The following NOL12 variants were observed in gnomAD, a reference collection of about 807,000 sequenced individuals.
NOL12 encodes nucleolar protein 12.
In NOL12, 21 loss-of-function variants were observed where a neutral mutation model predicts 25.2. That is an observed-to-expected ratio of 0.83 (90% CI 0.59 to 1.20). The LOEUF (loss-of-function observed/expected upper bound fraction) is 1.20, where lower values mean the gene tolerates loss of function less well. Ranked by LOEUF, NOL12 falls within the 50% of genes most tolerant of loss-of-function variation. NOL12 has a pLI of 0.00. For synonymous variants in NOL12, 133 were observed against 113.8 expected (o/e 1.17, Z -1.08); for missense variants, 286 against 287.6 (o/e 0.99, Z 0.04).
intron 3 of NOL12, among the ~76,000 whole-genome samples, 155 bp from the exon 4 acceptor site, chr22:37,688,695 C>T (rs770487300): frequency 6.6e-6 from 1 of 152,178 alleles, no homozygotes; most frequent in Non-Finnish European, 1.5e-5. Flanking sequence ...TCATTCACAA[C>T]ATTCATCCAC....
At chr22:37,689,084 C>A in intron 4 of NOL12, 92 bp downstream of exon 4, 1 of 1,447,084 alleles carries the variant, frequency 6.9e-7, no homozygotes, top group Non-Finnish European at 9.5e-7. Flanking sequence ...ATGGGTATCC[C>A]ACTGCCAGCC....
chr22:37,689,069 A>T (rs368133434), intron 4 of NOL12, 77 bp downstream of exon 4: 1 of 1,514,500 alleles, frequency 6.6e-7, no homozygotes, highest in Non-Finnish European at 9.0e-7. Context: ...GTGCTGGCCC[A>T]TGTCATGGGT....
chr22:37,687,022 A>C, intron 1 of NOL12: 2 of 985,384 alleles, frequency 2.0e-6, no homozygotes, highest in Non-Finnish European at 2.4e-6. Context: ...TGGAGATGAG[A>C]AGGGGCTGAG....
intron 1 of NOL12, chr22:37,687,068 C>T (rs1921846377): frequency 1.0e-6 from 1 of 985,366 alleles, no homozygotes; most frequent in Non-Finnish European, 1.2e-6. Context: ...AAATGCTGGG[C>T]ATCATCAGGA....
intron 4 of NOL12, among the ~76,000 whole-genome samples, chr22:37,689,663 G>A (rs1007682535): frequency 1.3e-5 from 2 of 152,208 alleles, no homozygotes; most frequent in South Asian, 2.1e-4. Flanking sequence ...ACACAATTAC[G>A]ATATAAAACA....
intron 4 of NOL12, among the ~76,000 whole-genome samples, chr22:37,690,173 A>G (rs1465839681): frequency 1.3e-5 from 2 of 151,908 alleles, no homozygotes; most frequent in Non-Finnish European, 2.9e-5. Flanking sequence ...CTCCGTCTCA[A>G]AAAAAACTTA....
chr22:37,688,974 C>G lies in NOL12; in HGVS notation c.363C>G (p.Leu121=). ...TGGACCTCTCGGGGGCCCGGCTGCT[C>G]GGGCTGACCCCACCTGAGGTGGGTC... is the stretch of plus-strand genomic sequence containing the variant. The part of the protein sequence containing the change: ...SDLDLSGARL[L]GLTPPEGGAG... Residue 121 remains leucine, a synonymous_variant, in exon 4 of 6, where the codon CTC becomes CTG. Transcript: ENST00000359114. 2 of 1,612,686 alleles carry G rather than the reference C, an allele frequency of 1.2e-6. No homozygotes were observed. The highest frequency in any genetic ancestry group is 1.7e-6 in the Non-Finnish European group (2 of 1,179,998).
chr22:37,691,033 C>A, intron 5 of NOL12, 141 bp from the exon 6 acceptor site: 1 of 1,020,156 alleles, frequency 9.8e-7, no homozygotes, highest in Non-Finnish European at 1.5e-6. Context: ...CTGGCAGGCA[C>A]TCTGGAGGTA....
chr22:37,686,369 G>A lies in NOL12; in HGVS notation c.-24G>A, dbSNP rs765530269. 2.5e-6 allele frequency: 4 copies of A among 1,581,902 alleles called. No homozygotes were observed. Among genetic ancestry groups the A allele is most frequent in the Non-Finnish European group, 3.4e-6 (4 of 1,167,492 alleles). On this transcript the variant is annotated 5_prime_UTR_variant, in exon 1 of 6. Transcript: ENST00000359114. ...CTACACCCGGAAGTGTCTTCAGGGA[G>A]AGGAAGCCGGCGGCCTCACTGCTAT...
At position 37,689,509 on chromosome 22, in the gene NOL12, G is replaced by A. The variant is rs1460869907; in HGVS notation, c.381+517G>A. On this transcript the variant is annotated intron_variant, in intron 4 of 5. Transcript: ENST00000359114. ...AGTGGGTTTTCAACCTGTGGGTTGT[G>A]AATCATGAGTAGGTTGCAATCAGCA... Among the ~76,000 whole-genome samples, 31 of 152,100 alleles carry A rather than the reference G, an allele frequency of 2.0e-4. 1 individual carries two copies. Among genetic ancestry groups the A allele is most frequent in the Admixed American group, 2.0e-3 (31 of 15,276 alleles).
At chr22:37,688,413 A>G (rs1219811268) in intron 3 of NOL12, 53 bp downstream of exon 3, 32 of 1,581,146 alleles carry the variant, frequency 2.0e-5, no homozygotes, top group Non-Finnish European at 2.7e-5. Flanking sequence ...CCTGGTTTAT[A>G]CCCTTGGTGG....
At chr22:37,687,264 C>G (rs190780020) in intron 1 of NOL12, among the ~76,000 whole-genome samples, 2,919 of 137,160 alleles carry the variant, frequency 0.021, 110 homozygotes, top group African/African-American at 0.073. Context: ...TGTGGCCCCC[C>G]CCCCCACCCG....
At chr22:37,686,618 C>G in intron 1 of NOL12, 143 bp downstream of exon 1, 4 of 1,371,156 alleles carry the variant, frequency 2.9e-6, no homozygotes, top group Non-Finnish European at 3.7e-6. Context: ...CCTTCCAGCC[C>G]GCGTTCCCGC....
Position 37,691,236 on chromosome 22 carries a change from C to G in NOL12, c.542C>G (p.Pro181Arg), listed in dbSNP as rs769913639. Reference protein sequence around the residue: ...HSRKKVKRKHPRRAQDSKKPP... With the variant: ...HSRKKVKRKHRRRAQDSKKPP... ...CGCAAAAAGGTCAAGAGGAAACATC[C>G]CCGACGGGCCCAGGACTCCAAAAAG... The change falls in exon 6 of 6, where the codon CCC becomes CGC. Residue 181 changes from proline (P) to arginine (R), a missense_variant. Physicochemically the swap from Pro to Arg is moderately radical, Grantham distance 103 (BLOSUM62 -2). Coordinates refer to ENST00000359114, the MANE Select transcript of NOL12 (RefSeq NM_024313.3). 2 of 1,614,114 alleles carry G rather than the reference C, an allele frequency of 1.2e-6. No homozygotes were observed. Among genetic ancestry groups the G allele is most frequent in the South Asian group, 1.1e-5 (1 of 91,076 alleles).
chr22:37,691,251 A>G lies in NOL12; in HGVS notation c.557A>G (p.Asp186Gly). Reference sequence around the variant, plus strand: ...AGGAAACATCCCCGACGGGCCCAGGACTCCAAAAAGCCCCCAAGGGCCCCT... The same window carrying G: ...AGGAAACATCCCCGACGGGCCCAGGGCTCCAAAAAGCCCCCAAGGGCCCCT... ...VKRKHPRRAQ[D>G]SKKPPRAPRT... Residue 186 changes from aspartate (D) to glycine (G), a missense_variant, in exon 6 of 6, where the codon GAC becomes GGC. Asp to Gly is a moderately conservative substitution (Grantham distance 94, BLOSUM62 -1). Transcript: ENST00000359114. 1 of 1,613,952 alleles carries G rather than the reference A, an allele frequency of 6.2e-7. No individual in the cohort carries two copies. The highest frequency in any genetic ancestry group is 8.5e-7 in the Non-Finnish European group (1 of 1,179,964).
chr22:37,689,134 G>T lies in NOL12; in HGVS notation c.381+142G>T, dbSNP rs572416638. On this transcript the variant is annotated intron_variant, in intron 4 of 5. Transcript: ENST00000359114. ...CGTGGGGGCAGACTGGCTTGTCGGG[G>T]TTGCTCAGTGCTGGCCCATGTTGTG... is the stretch of plus-strand genomic sequence containing the variant. The T allele has an allele frequency of 4.9e-6, 5 of 1,022,864 alleles. No homozygotes were observed. The East Asian group carries it at 1.0e-4, about 21-fold the overall frequency. 63.4% of individuals were successfully genotyped at this position (1,022,864 alleles called of 1,614,324 possible).
intron 2 of NOL12, 137 bp downstream of exon 2, chr22:37,688,152 G>C (rs1921906319): frequency 9.5e-7 from 1 of 1,050,354 alleles, no homozygotes; most frequent in Non-Finnish European, 1.4e-6. Flanking sequence ...TACAGGTGGA[G>C]ACTCTGTGGG....
At chr22:37,689,470 G>A (rs1302092721) in intron 4 of NOL12, among the ~76,000 whole-genome samples, 1 of 152,078 alleles carries the variant, frequency 6.6e-6, no homozygotes, top group East Asian at 1.9e-4. Context: ...GCCCTGGCAC[G>A]TCTGTGTGCA....
Position 37,691,496 on chromosome 22 carries a change from G to T in NOL12, c.*160G>T. 3.3e-6 allele frequency: 1 copy of T among 306,286 alleles called. No homozygotes were observed. Among genetic ancestry groups the T allele is most frequent in the Non-Finnish European group, 4.5e-6 (1 of 220,160 alleles). 19.0% of individuals were successfully genotyped at this position (306,286 alleles called of 1,614,324 possible). ...CTGGGGCCAGCTGCCTTTGCCTGGG[G>T]TCAGCTGCCTTTGCCTGGGGTTTGA... is the stretch of plus-strand genomic sequence containing the variant. On this transcript the variant is annotated 3_prime_UTR_variant, in exon 6 of 6. Coordinates refer to ENST00000359114, the MANE Select transcript of NOL12 (RefSeq NM_024313.3).
Sources: allele counts gnomAD v4.1 joint callset (sites outside exome capture counted in the v4.1 genomes callset), GRCh38; gene constraint gnomAD v4.1.1; transcripts MANE v1.5; gene names NCBI Gene and HGNC (gene_info 2026-07-23, HGNC 2026-07-21).